The following RFTN1 variants were observed in gnomAD, a reference collection of about 807,000 sequenced individuals.
RFTN1 encodes the protein raftlin, lipid raft linker 1.
RFTN1 carries 26 observed loss-of-function variants against 46.5 expected under a neutral mutation model. The observed-to-expected ratio is 0.56, with a 90% CI of 0.41 to 0.78. RFTN1 has a LOEUF of 0.78. Among genes scored for constraint, RFTN1 ranks in the 30% least tolerant of loss-of-function variants. RFTN1 has a pLI of 0.00. For missense variants in RFTN1, 693 were observed against 718.7 expected (o/e 0.96, Z 0.41); for synonymous variants, 261 against 284.2 (o/e 0.92, Z 0.82).
rs1302891909 is a variant in RFTN1 at position 16,473,846 on chromosome 3, G to A, written c.145+19879C>T. Among the ~76,000 whole-genome samples, 2 of 152,172 alleles carry A rather than the reference G, an allele frequency of 1.3e-5. No homozygotes were observed. Among genetic ancestry groups the A allele is most frequent in the Non-Finnish European group, 2.9e-5 (2 of 68,024 alleles). ...CTATCCTTCCCTGTCCTAGAAGCACGAAACCTACCTCTCCGGGCTGCCCTC... is the reference window on the plus strand; with the variant it reads ...CTATCCTTCCCTGTCCTAGAAGCACAAAACCTACCTCTCCGGGCTGCCCTC... On this transcript the variant is annotated intron_variant, in intron 2 of 9. Coordinates refer to ENST00000334133, the MANE Select transcript of RFTN1 (RefSeq NM_015150.2). This position sits in a 1 kb window ranked among gnomAD's most constrained non-coding sequence, Gnocchi z 5.3.
At chr3:16,455,789 C>T (rs1000959310) in intron 2 of RFTN1, among the ~76,000 whole-genome samples, 16 of 152,158 alleles carry the variant, frequency 1.1e-4, no homozygotes, top group Admixed American at 5.2e-4. Flanking sequence ...AAAAACTCAA[C>T]GGATATCCTA....
intron 3 of RFTN1, among the ~76,000 whole-genome samples, chr3:16,431,028 G>C (rs1232229494): frequency 6.6e-6 from 1 of 152,188 alleles, no homozygotes; most frequent in Non-Finnish European, 1.5e-5. Flanking sequence ...CACCCATCTT[G>C]TCCCATCAGA....
At chr3:16,419,161 G>A (rs559180348) in intron 3 of RFTN1, among the ~76,000 whole-genome samples, 4 of 152,286 alleles carry the variant, frequency 2.6e-5, no homozygotes, top group African/African-American at 7.2e-5. Context: ...GTGAAGGTGC[G>A]GGTTGCCTGT....
intron 2 of RFTN1, among the ~76,000 whole-genome samples, chr3:16,476,772 A>C (rs570127847): frequency 3.9e-5 from 6 of 152,324 alleles, no homozygotes; most frequent in African/African-American, 1.4e-4. Flanking sequence ...GTTTACTTTC[A>C]GCAAATCCTA....
Position 16,459,420 on chromosome 3 carries a change from G to A in RFTN1, c.146-25383C>T, listed in dbSNP as rs1401018214. ...CCTAGCACTTTGGGAGGCTGAAGCG[G>A]GAGTCTCTACTTTAAAAATTTAAAA... On this transcript the variant is annotated intron_variant, in intron 2 of 9. Transcript: ENST00000334133. The surrounding 1 kb of genome is among the most constrained non-coding windows in gnomAD (Gnocchi z 4.2). Among the ~76,000 whole-genome samples the A allele has an allele frequency of 6.6e-6, 1 of 152,054 alleles. No homozygotes were observed. The highest frequency in any genetic ancestry group is 2.4e-5 in the African/African-American group (1 of 41,382).
At chr3:16,477,097 T>C (rs899554732) in intron 2 of RFTN1, among the ~76,000 whole-genome samples, 3 of 152,254 alleles carry the variant, frequency 2.0e-5, no homozygotes, top group African/African-American at 2.4e-5. Context: ...AGGTAAATTA[T>C]TAATGGTGCC....
intron 3 of RFTN1, among the ~76,000 whole-genome samples, chr3:16,431,102 G>T (rs890496523): frequency 6.6e-6 from 1 of 152,208 alleles, no homozygotes; most frequent in Non-Finnish European, 1.5e-5. Flanking sequence ...GTAGCAGCTA[G>T]AATACGGAGG....
At position 16,391,858 on chromosome 3, in the gene RFTN1, G is replaced by GTTTTTTTTTTTTTTTTTTTTTT. The variant is rs1272551461; in HGVS notation, c.442-13757_442-13756insAAAAAAAAAAAAAAAAAAAAAA. On this transcript the variant is annotated intron_variant, in intron 4 of 9. Coordinates refer to ENST00000334133, the MANE Select transcript of RFTN1 (RefSeq NM_015150.2). The stretch of plus-strand genomic sequence containing the variant: ...TAGAGATTATCATTCTAGTGCAAAG[G>GTTTTTTTTTTTTTTTTTTTTTT]TTTTTTTTTTGTTTTTTTTTTTTGT... Among the ~76,000 whole-genome samples, 2 of 49,122 alleles carry GTTTTTTTTTTTTTTTTTTTTTT rather than the reference G, an allele frequency of 4.1e-5. 1 individual carries two copies. The highest frequency in any genetic ancestry group is 6.5e-4 in the Admixed American group (2 of 3,088). The allele number at this position is 49,122 out of a possible 152,430, so 32.2% of individuals were successfully genotyped here. A position where few individuals can be genotyped will look rare whatever the true frequency, so the allele number is the denominator to read the frequency against.
At chr3:16,390,200 AAT>A (rs2074313320) in intron 4 of RFTN1, among the ~76,000 whole-genome samples, 1 of 152,252 alleles carries the variant, frequency 6.6e-6, no homozygotes, top group East Asian at 1.9e-4. Flanking sequence ...GTTACACAGC[AAT>A]AGACATCTTT....
At chr3:16,395,355 ATTC>A (rs1363012897) in intron 4 of RFTN1, among the ~76,000 whole-genome samples, 1 of 152,240 alleles carries the variant, frequency 6.6e-6, no homozygotes, top group Non-Finnish European at 1.5e-5. Flanking sequence ...AAATAAATGA[ATTC>A]TACTAAAATA....
chr3:16,381,069 C>T lies in RFTN1; in HGVS notation c.442-2967G>A, dbSNP rs887629540. Among the ~76,000 whole-genome samples, 3 of 152,024 alleles carry T rather than the reference C, an allele frequency of 2.0e-5. No individual in the cohort carries two copies. The highest frequency in any genetic ancestry group is 4.8e-5 in the African/African-American group (2 of 41,378). Reference sequence around the variant, plus strand: ...CTCAAGAAGATTTGACCAATTATTACGAACAGAGTTTAAAAATAATTACAC... The same window carrying T: ...CTCAAGAAGATTTGACCAATTATTATGAACAGAGTTTAAAAATAATTACAC... On this transcript the variant is annotated intron_variant, in intron 4 of 9. Transcript: ENST00000334133. This position sits in a 1 kb window ranked among gnomAD's most constrained non-coding sequence, Gnocchi z 4.2.
At position 16,404,090 on chromosome 3, in the gene RFTN1, TATTA is replaced by T. The variant is rs1202952664; in HGVS notation, c.441+5281_441+5284del. On this transcript the variant is annotated intron_variant, in intron 4 of 9. Coordinates refer to ENST00000334133, the MANE Select transcript of RFTN1 (RefSeq NM_015150.2). Reference sequence around the variant, plus strand: ...ATATATATTATATATATATTTTATATATTATATATTATATATAATATATAATATA... The same window carrying T: ...ATATATATTATATATATATTTTATATTATATTATATATAATATATAATATA... Among the ~76,000 whole-genome samples, 2 of 26,558 alleles carry T rather than the reference TATTA, an allele frequency of 7.5e-5. 1 individual carries two copies. Among genetic ancestry groups the T allele is most frequent in the Non-Finnish European group, 1.2e-4 (2 of 17,330 alleles). 17.4% of individuals were successfully genotyped at this position (26,558 alleles called of 152,430 possible).
In RFTN1 at chr3:16,493,879, T is replaced by G; in HGVS notation, c.-8-2A>C. 2.5e-6 allele frequency: 4 copies of G among 1,614,144 alleles called. No homozygotes were observed. Among genetic ancestry groups the G allele is most frequent in the Non-Finnish European group, 3.4e-6 (4 of 1,180,002 alleles). On this transcript the variant is annotated splice_acceptor_variant, in intron 1 of 9. Transcript: ENST00000334133. LOFTEE classifies it low-confidence loss of function (5UTR_SPLICE). The stretch of plus-strand genomic sequence containing the variant: ...TCAATCCGCAACCCATTTCAGCAGC[T>G]GCTGGCCAAAGGAAAAAGGCGGGGA...
At chr3:16,454,092 A>G (rs1575316391) in intron 2 of RFTN1, among the ~76,000 whole-genome samples, 1 of 152,182 alleles carries the variant, frequency 6.6e-6, no homozygotes, top group Non-Finnish European at 1.5e-5. Context: ...GCTTCCCTAG[A>G]TGACAAGGCT....
At position 16,316,911 on chromosome 3, in the gene RFTN1, T is replaced by G; in HGVS notation, c.1654A>C (p.Thr552Pro). ...SHSRALVGIC[T>P]GHSNPGEDAR... is the part of the protein sequence containing the mutation. ...TCCTCTCCAGGATTGGAGTGCCCAG[T>G]GCAAATCCCCACCAGGGCCCTGCTG... Residue 552 changes from threonine to proline, a missense_variant, in exon 10 of 10, where the codon ACT becomes CCT. Coordinates refer to ENST00000334133, the MANE Select transcript of RFTN1 (RefSeq NM_015150.2). This position sits in a 1 kb window ranked among gnomAD's most constrained non-coding sequence, Gnocchi z 4.5. 6.2e-7 allele frequency: 1 copy of G among 1,614,150 alleles called. No individual in the cohort carries two copies. The highest frequency in any genetic ancestry group is 8.5e-7 in the Non-Finnish European group (1 of 1,180,030).
In RFTN1 at chr3:16,326,770, T is replaced by C; in HGVS notation, c.1250+3A>G. 4 of 1,610,390 alleles carry C rather than the reference T, an allele frequency of 2.5e-6. No homozygotes were observed. The highest frequency in any genetic ancestry group is 3.4e-6 in the Non-Finnish European group (4 of 1,176,592). On this transcript the variant is annotated splice_donor_region_variant and intron_variant, in intron 8 of 9. Coordinates refer to ENST00000334133, the MANE Select transcript of RFTN1 (RefSeq NM_015150.2). Reference sequence around the variant, plus strand: ...GAATCCTAATGATTACTGTTATTGTTACCTGGTAGTCTTGACGACGGGAGT... The same window carrying C: ...GAATCCTAATGATTACTGTTATTGTCACCTGGTAGTCTTGACGACGGGAGT...
rs2076270821 is a variant in RFTN1, at chr3:16,475,760, G to A, written c.145+17965C>T. Among the ~76,000 whole-genome samples, 1 of 152,206 alleles carries A rather than the reference G, an allele frequency of 6.6e-6. No homozygotes were observed. The highest frequency in any genetic ancestry group is 2.1e-4 in the South Asian group (1 of 4,828). On this transcript the variant is annotated intron_variant, in intron 2 of 9. Coordinates refer to ENST00000334133, the MANE Select transcript of RFTN1 (RefSeq NM_015150.2). The surrounding 1 kb of genome is among the most constrained non-coding windows in gnomAD (Gnocchi z 4.2). ...TAATAAATAAACCTCTGCCACAGAA[G>A]GTGCTGGCTGAGGGCAAAAGCCAAG...
intron 8 of RFTN1, among the ~76,000 whole-genome samples, chr3:16,324,801 C>T (rs1301381837): frequency 3.9e-5 from 6 of 152,052 alleles, no homozygotes; most frequent in African/African-American, 1.4e-4. Context: ...GCAGATCCCT[C>T]TTCTGCATAC....
intron 1 of RFTN1, among the ~76,000 whole-genome samples, chr3:16,497,679 T>C (rs376168320): frequency 5.9e-5 from 9 of 152,332 alleles, no homozygotes; most frequent in African/African-American, 2.2e-4. Flanking sequence ...ATCCTCCCAC[T>C]TTTGCTACCT....
Sources: allele counts gnomAD v4.1 joint callset (sites outside exome capture counted in the v4.1 genomes callset), GRCh38; gene constraint gnomAD v4.1.1; non-coding constraint Gnocchi (gnomAD v3.1); transcripts MANE v1.5; gene names NCBI Gene and HGNC (gene_info 2026-07-23, HGNC 2026-07-21).